Variants in OSBPL3 observed in about 807,000 individuals in gnomAD.
The protein encoded by OSBPL3 is oxysterol binding protein like 3.
A neutral mutation model predicts 120.1 loss-of-function variants in OSBPL3; 65 were observed. That is an observed-to-expected ratio of 0.54 (90% CI 0.44 to 0.67). The LOEUF (loss-of-function observed/expected upper bound fraction) is 0.67, where lower values mean the gene tolerates loss of function less well. Ranked by LOEUF, OSBPL3 falls within the 30% of genes least tolerant of loss-of-function variation. OSBPL3 has a pLI of 0.00. For missense variants in OSBPL3, 1,004 were observed against 1,082.1 expected, an observed-to-expected ratio of 0.93 and a Z score of 1.01; for synonymous variants, 416 against 402.6, an observed-to-expected ratio of 1.03 and a Z score of -0.40.
intron 2 of OSBPL3, among the ~76,000 whole-genome samples, chr7:24,888,309 C>T (rs1412284298): frequency 6.6e-6 from 1 of 152,160 alleles, no homozygotes; most frequent in Admixed American, 6.5e-5. Context: ...GCTTATTTTT[C>T]ATCCTTACCA....
chr7:24,816,510 T>TC (rs1794483932), intron 18 of OSBPL3, 100 bp downstream of exon 18: 1 of 755,312 alleles, frequency 1.3e-6, no homozygotes, highest in African/African-American at 1.8e-5. Context: ...AAATACACAC[T>TC]CAATGCAACT....
At chr7:24,915,283 G>T (rs1264660630) in intron 1 of OSBPL3, among the ~76,000 whole-genome samples, 1 of 152,058 alleles carries the variant, frequency 6.6e-6, no homozygotes, top group Non-Finnish European at 1.5e-5. Flanking sequence ...TCTGACCCCT[G>T]ATTTACCAAC....
At chr7:24,971,943 T>A (rs1159902743) in intron 1 of OSBPL3, among the ~76,000 whole-genome samples, 1 of 152,202 alleles carries the variant, frequency 6.6e-6, no homozygotes, top group South Asian at 2.1e-4. Flanking sequence ...GGAATTTGCA[T>A]GAAGCAGCCC....
chr7:24,808,352 T>C lies in OSBPL3; in HGVS notation c.2318-1450A>G, dbSNP rs115820257. 0.01 allele frequency among the ~76,000 whole-genome samples: 1,559 copies of C among 152,296 alleles called. 31 individuals are homozygous for C. The highest frequency in any genetic ancestry group is 0.036 in the African/African-American group (1,479 of 41,550). On this transcript the variant is annotated intron_variant, in intron 20 of 22. Coordinates refer to ENST00000313367, the MANE Select transcript of OSBPL3 (RefSeq NM_015550.4). This position sits in a 1 kb window ranked among gnomAD's most constrained non-coding sequence, Gnocchi z 4.6. ...TGAAGATAGTGCTTTTTCTTAAAGA[T>C]GGGCCAGGGATGCTCACTGCCATTA...
intron 1 of OSBPL3, among the ~76,000 whole-genome samples, chr7:24,921,807 T>G (rs775691679): frequency 2.6e-5 from 4 of 152,180 alleles, no homozygotes; most frequent in Non-Finnish European, 2.9e-5. Flanking sequence ...AATTTGGAAA[T>G]GAAAACAAAC....
rs80194877 is a variant in OSBPL3 at position 24,925,823 on chromosome 7, G to A, written c.-149-33202C>T. Among the ~76,000 whole-genome samples, 1,321 of 152,292 alleles carry A rather than the reference G, an allele frequency of 8.7e-3. 19 individuals are homozygous for A. The highest frequency in any genetic ancestry group is 0.03 in the African/African-American group (1,261 of 41,540). On this transcript the variant is annotated intron_variant, in intron 1 of 22. Transcript: ENST00000313367. Reference sequence around the variant, plus strand: ...CAATGTTGCTAGAGTGAAGAAAGTCGGCTGGCTAGCTTTATTTATTTCACC... The same window carrying A: ...CAATGTTGCTAGAGTGAAGAAAGTCAGCTGGCTAGCTTTATTTATTTCACC...
chr7:24,914,237 T>C (rs1022247516), intron 1 of OSBPL3, among the ~76,000 whole-genome samples: 12 of 151,588 alleles, frequency 7.9e-5, no homozygotes, highest in African/African-American at 2.7e-4. Flanking sequence ...AAAGAAAAGA[T>C]CAGCACCCAG....
chr7:24,931,749 C>T (rs78793857), intron 1 of OSBPL3, among the ~76,000 whole-genome samples: 1 of 151,250 alleles, frequency 6.6e-6, no homozygotes, highest in African/African-American at 2.4e-5. Context: ...TATAGTCTTT[C>T]CTAAAAGAAA....
chr7:24,839,607 T>C (rs1051807584), intron 14 of OSBPL3, among the ~76,000 whole-genome samples: 4 of 152,090 alleles, frequency 2.6e-5, no homozygotes, highest in Non-Finnish European at 5.9e-5. Context: ...GTAAGTCCTA[T>C]CACATTCCTA....
At chr7:24,858,085 C>A (rs1336656546) in intron 10 of OSBPL3, among the ~76,000 whole-genome samples, 2 of 152,194 alleles carry the variant, frequency 1.3e-5, no homozygotes, top group East Asian at 3.9e-4. Context: ...CATAAGCCAA[C>A]AACTGGTTCA....
chr7:24,938,073 A>G lies in OSBPL3; in HGVS notation c.-150+41813T>C, dbSNP rs1812628951. ...TCTCCAAATGGTGGCCTAAATATAC[A>G]AGGGCTTATTTGCTATGGGCTGAAA... On this transcript the variant is annotated intron_variant, in intron 1 of 22. Transcript: ENST00000313367. This position sits in a 1 kb window ranked among gnomAD's most constrained non-coding sequence, Gnocchi z 5.8. Among the ~76,000 whole-genome samples, 1 of 152,206 alleles carries G rather than the reference A, an allele frequency of 6.6e-6. No individual in the cohort carries two copies. Among genetic ancestry groups the G allele is most frequent in the Non-Finnish European group, 1.5e-5 (1 of 68,036 alleles).
chr7:24,835,157 C>T lies in OSBPL3; in HGVS notation c.1496-421G>A, dbSNP rs1796846453. Reference sequence around the variant, plus strand: ...GGAAATAATGGTCTTTTCATTGCTCCACCACCCCAAAATAGCAGCCATTTA... The same window carrying T: ...GGAAATAATGGTCTTTTCATTGCTCTACCACCCCAAAATAGCAGCCATTTA... On this transcript the variant is annotated intron_variant, in intron 14 of 22. Transcript: ENST00000313367. The surrounding 1 kb of genome is among the most constrained non-coding windows in gnomAD (Gnocchi z 4.8). 6.6e-6 allele frequency among the ~76,000 whole-genome samples: 1 copy of T among 152,030 alleles called. No homozygotes were observed. Among genetic ancestry groups the T allele is most frequent in the Admixed American group, 6.6e-5 (1 of 15,260 alleles).
At chr7:24,885,716 T>C (rs1276932756) in intron 2 of OSBPL3, among the ~76,000 whole-genome samples, 2 of 152,190 alleles carry the variant, frequency 1.3e-5, no homozygotes, top group Non-Finnish European at 2.9e-5. Flanking sequence ...CCAATCAGAG[T>C]TGATTTCTTA....
At chr7:24,887,830 C>T (rs1459459593) in intron 2 of OSBPL3, among the ~76,000 whole-genome samples, 2 of 152,158 alleles carry the variant, frequency 1.3e-5, no homozygotes, top group Non-Finnish European at 2.9e-5. Flanking sequence ...GCAGCTACTA[C>T]CAAGAGATAG....
chr7:24,947,807 C>CACAT lies in OSBPL3; in HGVS notation c.-150+32078_-150+32079insATGT, dbSNP rs984608107. The stretch of plus-strand genomic sequence containing the variant: ...ACACACACACACACACACACACACA[C>CACAT]ACTCATTGCATACTACCCATGTGCC... On this transcript the variant is annotated intron_variant, in intron 1 of 22. Coordinates refer to ENST00000313367, the MANE Select transcript of OSBPL3 (RefSeq NM_015550.4). This position sits in a 1 kb window ranked among gnomAD's most constrained non-coding sequence, Gnocchi z 4.4. Among the ~76,000 whole-genome samples the CACAT allele has an allele frequency of 2.6e-5, 4 of 151,458 alleles. No homozygotes were observed. The highest frequency in any genetic ancestry group is 9.7e-5 in the African/African-American group (4 of 41,192).
At chr7:24,809,444 A>C (rs1793484218) in intron 20 of OSBPL3, among the ~76,000 whole-genome samples, 1 of 152,126 alleles carries the variant, frequency 6.6e-6, no homozygotes, top group Non-Finnish European at 1.5e-5. Context: ...TTCCAGGAAC[A>C]CTTTCCTCTT....
At chr7:24,838,157 C>T (rs1355251361) in intron 14 of OSBPL3, among the ~76,000 whole-genome samples, 1 of 152,130 alleles carries the variant, frequency 6.6e-6, no homozygotes, top group Non-Finnish European at 1.5e-5. Context: ...AGTATTCAAA[C>T]ACTGACAAAG....
intron 1 of OSBPL3, among the ~76,000 whole-genome samples, chr7:24,905,909 G>A (rs1807838182): frequency 1.3e-5 from 2 of 152,104 alleles, no homozygotes; most frequent in Non-Finnish European, 2.9e-5. Flanking sequence ...GCGGGGACCT[G>A]TAATCCCAGC....
chr7:24,822,854 G>T lies in OSBPL3; in HGVS notation c.1885-2616C>A, dbSNP rs752057764. Among the ~76,000 whole-genome samples the T allele has an allele frequency of 3.3e-5, 5 of 152,116 alleles. No individual in the cohort carries two copies. The highest frequency in any genetic ancestry group is 1.2e-4 in the African/African-American group (5 of 41,410). On this transcript the variant is annotated intron_variant, in intron 16 of 22. Coordinates refer to ENST00000313367, the MANE Select transcript of OSBPL3 (RefSeq NM_015550.4). The surrounding 1 kb of genome is among the most constrained non-coding windows in gnomAD (Gnocchi z 5.8). ...CTATTGTGTTAGATAATGAATGAATGTTTAGCAGATTATGTTTAGATGGGT... is the reference window on the plus strand; with the variant it reads ...CTATTGTGTTAGATAATGAATGAATTTTTAGCAGATTATGTTTAGATGGGT...
Sources: gnomAD v4.1 joint callset for allele counts (sites outside exome capture counted in the v4.1 genomes callset) on GRCh38, gnomAD v4.1.1 for gene constraint, Gnocchi (gnomAD v3.1) non-coding constraint, MANE v1.5 for transcripts, NCBI Gene and HGNC (gene_info 2026-07-23, HGNC 2026-07-21) for gene names.